Variants in TBC1D32 observed in about 807,000 individuals in gnomAD.
TBC1D32 encodes the protein protein broad-minded.
Under a neutral mutation model 170.3 loss-of-function variants are expected in TBC1D32, and 151 were observed. The observed-to-expected ratio is 0.89, with a 90% CI of 0.78 to 1.01. The LOEUF (loss-of-function observed/expected upper bound fraction) is 1.01. TBC1D32 is among the 50% of genes least tolerant of loss of function. The pLI, the probability that TBC1D32 is intolerant of heterozygous loss-of-function variation, is 0.00. For missense variants in TBC1D32, 1,464 were observed against 1,457.1 expected, an observed-to-expected ratio of 1.00 and a Z score of -0.08; for synonymous variants, 498 against 488.0, an observed-to-expected ratio of 1.02 and a Z score of -0.27.
chr6:121,242,861 A>G (rs1423660258), intron 17 of TBC1D32, among the ~76,000 whole-genome samples: 1 of 152,096 alleles, frequency 6.6e-6, no homozygotes, highest in Non-Finnish European at 1.5e-5. Flanking sequence ...ATATTTATAA[A>G]ACTAAAATTC....
intron 1 of TBC1D32, among the ~76,000 whole-genome samples, chr6:121,323,497 GC>G (rs1241695226): frequency 1.6e-4 from 25 of 152,292 alleles, no homozygotes; most frequent in African/African-American, 5.8e-4. Context: ...ACAATTGGCT[GC>G]CTATTATCTT....
At chr6:121,270,460 C>A (rs923727249) in intron 15 of TBC1D32, among the ~76,000 whole-genome samples, 11 of 152,098 alleles carry the variant, frequency 7.2e-5, no homozygotes, top group African/African-American at 2.4e-4. Context: ...ATACAAACTA[C>A]CATCAGAGAA....
intron 24 of TBC1D32, among the ~76,000 whole-genome samples, chr6:121,149,476 G>T (rs1416028054): frequency 6.6e-6 from 1 of 152,056 alleles, no homozygotes; most frequent in African/African-American, 2.4e-5. Context: ...TTTGGCATAT[G>T]GGGTCCAGTT....
intron 31 of TBC1D32, among the ~76,000 whole-genome samples, chr6:121,086,278 C>A (rs56758178): frequency 0.017 from 2,659 of 152,134 alleles, 75 homozygotes; most frequent in African/African-American, 0.061. Flanking sequence ...CTCGAGCTCA[C>A]ACAGTGAGTG....
intron 3 of TBC1D32, 34 bp from the exon 4 acceptor site, chr6:121,310,881 A>T: frequency 8.2e-7 from 1 of 1,224,364 alleles, no homozygotes; most frequent in Non-Finnish European, 1.2e-6. Context: ...TCATTTATTT[A>T]GAAGGCTTTT....
intron 22 of TBC1D32, among the ~76,000 whole-genome samples, chr6:121,188,502 G>C (rs1198917904): frequency 1.3e-5 from 2 of 151,992 alleles, no homozygotes; most frequent in Admixed American, 6.6e-5. Flanking sequence ...GAGAGAAGGA[G>C]AGCCAATGAA....
Position 121,160,943 on chromosome 6 carries a change from C to A in TBC1D32, c.2679+5G>T. On this transcript the variant is annotated splice_donor_5th_base_variant and intron_variant, in intron 23 of 31. Coordinates refer to ENST00000398212, the MANE Select transcript of TBC1D32 (RefSeq NM_152730.6). Reference sequence around the variant, plus strand: ...ACATCCCACTTCTCTTTGCCCCACACTCACCTTTTCGAGTAACCTCGGAGG... The same window carrying A: ...ACATCCCACTTCTCTTTGCCCCACAATCACCTTTTCGAGTAACCTCGGAGG... The A allele has an allele frequency of 6.2e-7, 1 of 1,610,510 alleles. No individual in the cohort carries two copies. Among genetic ancestry groups the A allele is most frequent in the African/African-American group, 1.3e-5 (1 of 74,962 alleles).
At chr6:121,305,620 C>T (rs1807212042) in intron 5 of TBC1D32, among the ~76,000 whole-genome samples, 1 of 151,958 alleles carries the variant, frequency 6.6e-6, no homozygotes, top group Non-Finnish European at 1.5e-5. Flanking sequence ...AAAATATCTT[C>T]TAATGGCCCC....
intron 20 of TBC1D32, among the ~76,000 whole-genome samples, chr6:121,237,911 A>G (rs1796515762): frequency 6.6e-6 from 1 of 152,102 alleles, no homozygotes; most frequent in Non-Finnish European, 1.5e-5. Context: ...TATCCCATAC[A>G]TTGTGAGATA....
intron 24 of TBC1D32, among the ~76,000 whole-genome samples, chr6:121,152,545 G>C (rs1394312797): frequency 6.6e-6 from 1 of 152,162 alleles, no homozygotes; most frequent in African/African-American, 2.4e-5. Context: ...ATGTTGGCCT[G>C]TCTTGCTAGG....
chr6:121,226,024 T>C (rs992124831), intron 20 of TBC1D32, among the ~76,000 whole-genome samples: 3 of 152,266 alleles, frequency 2.0e-5, no homozygotes, highest in Admixed American at 6.5e-5. Context: ...AAGTCAACGT[T>C]TGATATATTT....
chr6:121,303,536 C>A, intron 9 of TBC1D32, 81 bp downstream of exon 9: 1 of 1,120,418 alleles, frequency 8.9e-7, no homozygotes, highest in Non-Finnish European at 1.2e-6. Flanking sequence ...ACTCTTAGCA[C>A]ACAGTATTCA....
chr6:121,277,074 T>C (rs1021908722), intron 15 of TBC1D32, among the ~76,000 whole-genome samples: 3 of 152,114 alleles, frequency 2.0e-5, no homozygotes, highest in South Asian at 2.1e-4. Flanking sequence ...CATCCAACAA[T>C]AGTAGAATAT....
At chr6:121,093,348 A>C (rs971476661) in intron 30 of TBC1D32, among the ~76,000 whole-genome samples, 1 of 152,106 alleles carries the variant, frequency 6.6e-6, no homozygotes, top group Non-Finnish European at 1.5e-5. Context: ...TAGTACTTTG[A>C]CTAGAAGCAA....
rs144994485 is a variant in TBC1D32 at position 121,284,101 on chromosome 6, G to A, written c.1373-191C>T. Among the ~76,000 whole-genome samples the A allele has an allele frequency of 9.9e-5, 15 of 152,092 alleles. No individual in the cohort carries two copies. The East Asian group carries it at 1.7e-3, about 18-fold the overall frequency. On this transcript the variant is annotated intron_variant, in intron 12 of 31. Coordinates refer to ENST00000398212, the MANE Select transcript of TBC1D32 (RefSeq NM_152730.6). Reference sequence around the variant, plus strand: ...TACATACAAATTAAAACACGGCAAGGCAAGCAATGCTGTAGGTGCTATGTA... The same window carrying A: ...TACATACAAATTAAAACACGGCAAGACAAGCAATGCTGTAGGTGCTATGTA...
At chr6:121,312,871 T>C (rs1455828257) in intron 3 of TBC1D32, among the ~76,000 whole-genome samples, 1 of 152,150 alleles carries the variant, frequency 6.6e-6, no homozygotes, top group East Asian at 1.9e-4. Context: ...AAAAAGATAG[T>C]GCGTTCCTCC....
At chr6:121,121,322 C>A (rs117292497) in intron 26 of TBC1D32, among the ~76,000 whole-genome samples, 1 of 151,848 alleles carries the variant, frequency 6.6e-6, no homozygotes, top group Non-Finnish European at 1.5e-5. Context: ...GAGGCAAATG[C>A]GCAGAATGTG....
At chr6:121,294,518 C>G (rs1057115288) in intron 11 of TBC1D32, 52 bp downstream of exon 11, 1 of 1,350,914 alleles carries the variant, frequency 7.4e-7, no homozygotes, top group Admixed American at 2.1e-5. Context: ...ACTGTATTTA[C>G]TAATAAAATT....
intron 17 of TBC1D32, among the ~76,000 whole-genome samples, chr6:121,243,596 C>A (rs1291589909): frequency 1.3e-5 from 2 of 151,800 alleles, no homozygotes; most frequent in African/African-American, 2.4e-5. Context: ...CACACACAAA[C>A]ACACACAAAC....
Sources: allele counts gnomAD v4.1 joint callset (sites outside exome capture counted in the v4.1 genomes callset), GRCh38; gene constraint gnomAD v4.1.1; transcripts MANE v1.5; gene names NCBI Gene and HGNC (gene_info 2026-07-23, HGNC 2026-07-21).